The following PCBP3 variants were observed in gnomAD, a reference collection of about 807,000 sequenced individuals.
The protein encoded by PCBP3 is poly(rC) binding protein 3.
PCBP3 carries 25 observed loss-of-function variants against 52.7 expected under a neutral mutation model. The ratio of observed to expected loss-of-function variants is 0.47; its 90% CI spans 0.35 to 0.66. The LOEUF is 0.66. Among genes scored for constraint, PCBP3 ranks in the 30% least tolerant of loss-of-function variants. The probability of loss-of-function intolerance (pLI) is 0.01; values close to 1 mark genes in which losing one functional copy is unlikely to be tolerated. For synonymous variants in PCBP3, 162 were observed against 183.0 expected, an observed-to-expected ratio of 0.89 and a Z score of 0.93; for missense variants, 391 against 490.3, an observed-to-expected ratio of 0.80 and a Z score of 1.91.
chr21:45,696,792 GA>G (rs35862807), intron 2 of PCBP3, among the ~76,000 whole-genome samples: 25,341 of 135,496 alleles, frequency 0.19, 2,236 homozygotes, highest in Middle Eastern at 0.35. Flanking sequence ...TCTGTCTCAA[GA>G]AAAAAAAAAA....
intron 4 of PCBP3, among the ~76,000 whole-genome samples, chr21:45,846,849 C>T (rs932517815): frequency 6.6e-6 from 1 of 152,236 alleles, no homozygotes; most frequent in African/African-American, 2.4e-5. Flanking sequence ...TCACGTGCTT[C>T]TGCTCATTCC....
chr21:45,937,483 G>C (rs1171110562), intron 16 of PCBP3, among the ~76,000 whole-genome samples: 1 of 152,216 alleles, frequency 6.6e-6, no homozygotes, highest in African/African-American at 2.4e-5. Context: ...CCTTCTGCTG[G>C]GGAAAGGAAT....
intron 5 of PCBP3, among the ~76,000 whole-genome samples, chr21:45,867,518 G>A (rs1408583950): frequency 1.3e-5 from 2 of 152,250 alleles, no homozygotes; most frequent in Non-Finnish European, 2.9e-5. Context: ...GGCCGTGAAG[G>A]TTATACATGC....
chr21:45,886,550 TGGTGA>T (rs2095528910), intron 5 of PCBP3, among the ~76,000 whole-genome samples: 1 of 137,212 alleles, frequency 7.3e-6, no homozygotes, highest in African/African-American at 2.9e-5. Context: ...GCAGAGGATG[TGGTGA>T]GGTGTGGAGG....
chr21:45,743,268 T>A (rs1471717759), intron 3 of PCBP3, among the ~76,000 whole-genome samples: 4 of 152,252 alleles, frequency 2.6e-5, no homozygotes, highest in Non-Finnish European at 5.9e-5. Context: ...AAAATGGTTT[T>A]ATTTGCAAAA....
rs145941865 is a variant in PCBP3 at position 45,728,371 on chromosome 21, A to G, written c.-199-7021A>G. On this transcript the variant is annotated intron_variant, in intron 2 of 17. Transcript: ENST00000681687. ...CATATGGTGTTTCTTTTTTGTTTAT[A>G]TGGTGAATTACATTGATAGCTTTAA... Among the ~76,000 whole-genome samples the G allele has an allele frequency of 2.2e-4, 34 of 152,252 alleles. No individual in the cohort carries two copies. In the East Asian group the frequency reaches 6.6e-3, roughly 29 times the overall value.
At chr21:45,799,203 A>T (rs1468312789) in intron 4 of PCBP3, among the ~76,000 whole-genome samples, 1 of 152,268 alleles carries the variant, frequency 6.6e-6, no homozygotes, top group Non-Finnish European at 1.5e-5. Flanking sequence ...GTAATTGGAT[A>T]AATGAGGTAA....
chr21:45,735,783 C>T lies in PCBP3; in HGVS notation c.-162+354C>T, dbSNP rs755367781. Among the ~76,000 whole-genome samples, 5 of 152,138 alleles carry T rather than the reference C, an allele frequency of 3.3e-5. No individual in the cohort carries two copies. Among genetic ancestry groups the T allele is most frequent in the Admixed American group, 6.6e-5 (1 of 15,266 alleles). ...CTTGGAGCCTACTGCACGAGCCTAC[C>T]GCACAAGCCTACCGCACGCCTTTGT... On this transcript the variant is annotated intron_variant, in intron 3 of 17. Coordinates refer to ENST00000681687, the MANE Select transcript of PCBP3 (RefSeq NM_001384156.1). This position sits in a 1 kb window ranked among gnomAD's most constrained non-coding sequence, Gnocchi z 4.0.
intron 12 of PCBP3, chr21:45,916,040 C>T (rs927569466): frequency 6.6e-6 from 1 of 152,314 alleles, no homozygotes; most frequent in African/African-American, 2.4e-5. Context: ...AGCAGCAGCT[C>T]CTGTCAGCCA....
At chr21:45,726,982 T>G (rs1007832803) in intron 2 of PCBP3, among the ~76,000 whole-genome samples, 1 of 152,244 alleles carries the variant, frequency 6.6e-6, no homozygotes, top group African/African-American at 2.4e-5. Context: ...GCCTGACTTT[T>G]CATTTTTATA....
chr21:45,659,598 G>A (rs976886172), intron 1 of PCBP3, among the ~76,000 whole-genome samples: 10 of 151,998 alleles, frequency 6.6e-5, no homozygotes, highest in African/African-American at 1.7e-4. Context: ...CAGTCCTCCC[G>A]CTATGGCCTC....
intron 5 of PCBP3, among the ~76,000 whole-genome samples, chr21:45,856,201 G>T (rs1448900914): frequency 1.3e-5 from 2 of 152,180 alleles, no homozygotes; most frequent in Non-Finnish European, 2.9e-5. Context: ...CCTTGTGAAG[G>T]TCTGAATAGG....
intron 2 of PCBP3, among the ~76,000 whole-genome samples, chr21:45,695,779 C>T (rs866812107): frequency 5.9e-5 from 9 of 152,036 alleles, no homozygotes; most frequent in African/African-American, 1.4e-4. Flanking sequence ...CAATTAAGCA[C>T]GAAAAGAATG....
intron 2 of PCBP3, among the ~76,000 whole-genome samples, chr21:45,671,595 C>G (rs1353825869): frequency 6.6e-6 from 1 of 152,130 alleles, no homozygotes. Context: ...CACCTGGGAA[C>G]CATGGGGTGT....
intron 4 of PCBP3, among the ~76,000 whole-genome samples, chr21:45,825,474 T>C (rs2093282166): frequency 6.6e-6 from 1 of 152,124 alleles, no homozygotes; most frequent in East Asian, 1.9e-4. Context: ...CCAGCACCCT[T>C]CTGTCTTGTC....
chr21:45,707,249 C>T (rs1569137105), intron 2 of PCBP3, among the ~76,000 whole-genome samples: 3 of 152,168 alleles, frequency 2.0e-5, no homozygotes, highest in African/African-American at 7.2e-5. Context: ...GGTGCAGTAG[C>T]TTATGCCTGT....
intron 5 of PCBP3, among the ~76,000 whole-genome samples, chr21:45,850,719 T>C (rs2093962521): frequency 6.6e-6 from 1 of 152,262 alleles, no homozygotes. Context: ...TAGGTATATT[T>C]TGAACTCTAC....
At chr21:45,841,572 A>G (rs2093700497) in intron 4 of PCBP3, among the ~76,000 whole-genome samples, 1 of 152,088 alleles carries the variant, frequency 6.6e-6, no homozygotes, top group African/African-American at 2.4e-5. Flanking sequence ...ATATTACGCT[A>G]TGAGTTTCGT....
At chr21:45,823,673 C>G (rs917809554) in intron 4 of PCBP3, among the ~76,000 whole-genome samples, 7 of 151,806 alleles carry the variant, frequency 4.6e-5, no homozygotes, top group Admixed American at 2.0e-4. Context: ...GGCCTGGGTT[C>G]AGGGATGCTC....
Sources: gnomAD v4.1 joint callset for allele counts (sites outside exome capture counted in the v4.1 genomes callset) on GRCh38, gnomAD v4.1.1 for gene constraint, Gnocchi (gnomAD v3.1) non-coding constraint, MANE v1.5 for transcripts, NCBI Gene and HGNC (gene_info 2026-07-23, HGNC 2026-07-21) for gene names.